The following HECW2 variants were observed in gnomAD, a reference collection of about 807,000 sequenced individuals.
The protein encoded by HECW2 is HECT, C2 and WW domain containing E3 ubiquitin protein ligase 2, also known as E3 ubiquitin-protein ligase HECW2.
A neutral mutation model predicts 175.2 loss-of-function variants in HECW2; 61 were observed. That is an observed-to-expected ratio of 0.35 (90% confidence interval 0.28 to 0.43). The LOEUF (loss-of-function observed/expected upper bound fraction) is 0.43. Ranked by LOEUF, HECW2 falls within the 20% of genes least tolerant of loss-of-function variation. The pLI, the probability that HECW2 is intolerant of heterozygous loss-of-function variation, is 1.00. For missense variants in HECW2, 1,524 were observed against 2,000.5 expected, an observed-to-expected ratio of 0.76 and a Z score of 4.54; for synonymous variants, 671 against 731.0, an observed-to-expected ratio of 0.92 and a Z score of 1.32.
chr2:196,528,486 A>G (rs927187505), intron 1 of HECW2, among the ~76,000 whole-genome samples: 1 of 152,220 alleles, frequency 6.6e-6, no homozygotes, highest in Admixed American at 6.5e-5. Flanking sequence ...ACACTAATAG[A>G]TTTTCAAAGT....
intron 1 of HECW2, among the ~76,000 whole-genome samples, chr2:196,558,721 G>C (rs1323272602): frequency 1.3e-5 from 2 of 152,230 alleles, no homozygotes; most frequent in Non-Finnish European, 1.5e-5. Flanking sequence ...GAATCTGCCA[G>C]GTTGACAGCA....
intron 19 of HECW2, 54 bp downstream of exon 19, chr2:196,253,866 T>C: frequency 6.5e-7 from 1 of 1,530,444 alleles, no homozygotes; most frequent in Non-Finnish European, 9.0e-7. Context: ...ATAGAACATC[T>C]GGCTTGAAGG....
At chr2:196,296,697 G>A (rs868007055) in intron 13 of HECW2, among the ~76,000 whole-genome samples, 2 of 152,170 alleles carry the variant, frequency 1.3e-5, no homozygotes, top group East Asian at 1.9e-4. Flanking sequence ...GAGGTGGAAG[G>A]AAGAGATTCA....
chr2:196,382,212 AGTAT>A (rs1041306785), intron 2 of HECW2, among the ~76,000 whole-genome samples: 3 of 69,708 alleles, frequency 4.3e-5, no homozygotes, highest in Admixed American at 2.0e-4. Context: ...ATATACATAT[AGTAT>A]GTGTGTGTGT....
chr2:196,301,075 T>C (rs1691032852), intron 13 of HECW2, among the ~76,000 whole-genome samples: 2 of 152,160 alleles, frequency 1.3e-5, no homozygotes, highest in Admixed American at 6.5e-5. Context: ...TCCCCGCCAG[T>C]GTCCATGGGT....
chr2:196,450,443 A>G (rs998989763), intron 1 of HECW2, among the ~76,000 whole-genome samples: 1 of 152,046 alleles, frequency 6.6e-6, no homozygotes, highest in Non-Finnish European at 1.5e-5. Context: ...CTAGTCTCCA[A>G]ATCTACTGAT....
chr2:196,452,324 C>A (rs1165136650), intron 1 of HECW2, among the ~76,000 whole-genome samples: 1 of 152,080 alleles, frequency 6.6e-6, no homozygotes, highest in Non-Finnish European at 1.5e-5. Flanking sequence ...TTAAATAATA[C>A]ATACTATTAA....
chr2:196,447,432 T>C (rs1696219071), intron 1 of HECW2, among the ~76,000 whole-genome samples: 1 of 152,202 alleles, frequency 6.6e-6, no homozygotes, highest in Admixed American at 6.5e-5. Context: ...ATGTTAGATG[T>C]TCCAACAATA....
At chr2:196,221,889 C>T (rs16847475) in intron 24 of HECW2, among the ~76,000 whole-genome samples, 379 of 152,246 alleles carry the variant, frequency 2.5e-3, no homozygotes, top group African/African-American at 8.3e-3. Flanking sequence ...TTAAAAAATT[C>T]TGTAGTGTGG....
Position 196,306,694 on chromosome 2 carries a change from A to G in HECW2, c.2690-82T>C, listed in dbSNP as rs190044283. On this transcript the variant is annotated intron_variant, in intron 12 of 28. Transcript: ENST00000644978. ...ATCTACTCACTTCAGTCTGCATTTC[A>G]AAAGAATCATAGGATACCTACATCA... 2.6e-4 allele frequency: 363 copies of G among 1,370,310 alleles called. 1 individual carries two copies. In the African/African-American group the frequency reaches 4.7e-3, roughly 18 times the overall value. 84.9% of individuals were successfully genotyped at this position (1,370,310 alleles called of 1,614,324 possible).
intron 26 of HECW2, among the ~76,000 whole-genome samples, chr2:196,219,397 G>A (rs528227092): frequency 4.6e-5 from 7 of 152,178 alleles, no homozygotes; most frequent in Non-Finnish European, 1.0e-4. Flanking sequence ...AATGGCTTTG[G>A]TCCCAGTTAC....
rs769207457 is a variant in HECW2 at position 196,319,337 on chromosome 2, G to C, written c.1553C>G (p.Ala518Gly). 72 of 1,614,028 alleles carry C rather than the reference G, an allele frequency of 4.5e-5. No individual in the cohort carries two copies. Among genetic ancestry groups the C allele is most frequent in the South Asian group, 3.2e-4 (29 of 91,060 alleles). The change falls in exon 9 of 29, where the codon GCC becomes GGC. Residue 518 changes from alanine to glycine, a missense_variant. Ala to Gly is a moderately conservative substitution (Grantham distance 60). Coordinates refer to ENST00000644978, the MANE Select transcript of HECW2 (RefSeq NM_001348768.2). ...LEDNPVENEE[A>G]STHEAASFED... ...AAAGGAAGCAGCTTCGTGTGTGGAG[G>C]CTTCCTCATTCTCAACAGGGTTGTC...
intron 24 of HECW2, among the ~76,000 whole-genome samples, chr2:196,221,579 G>T (rs1384680556): frequency 6.6e-6 from 1 of 151,730 alleles, no homozygotes; most frequent in Non-Finnish European, 1.5e-5. Flanking sequence ...TCTTTTTTGA[G>T]ACAGGGTCTC....
At chr2:196,203,271 A>G (rs917536024) in intron 28 of HECW2, among the ~76,000 whole-genome samples, 11 of 152,184 alleles carry the variant, frequency 7.2e-5, no homozygotes, top group Non-Finnish European at 1.3e-4. Flanking sequence ...TAAGCATTTC[A>G]GAATTGCATT....
intron 15 of HECW2, among the ~76,000 whole-genome samples, chr2:196,277,962 A>AC (rs1289639372): frequency 2.1e-5 from 2 of 95,344 alleles, no homozygotes; most frequent in Non-Finnish European, 4.0e-5. Context: ...GGAACATCAC[A>AC]CACCGGGGCC....
At chr2:196,408,383 A>G (rs1695020832) in intron 2 of HECW2, among the ~76,000 whole-genome samples, 1 of 152,202 alleles carries the variant, frequency 6.6e-6, no homozygotes, top group Admixed American at 6.5e-5. Flanking sequence ...CCTTATCTAC[A>G]GCATAGGGGT....
At chr2:196,243,368 T>C (rs896859745) in intron 19 of HECW2, among the ~76,000 whole-genome samples, 13 of 151,970 alleles carry the variant, frequency 8.6e-5, no homozygotes, top group Non-Finnish European at 1.8e-4. Flanking sequence ...GGTTTCTCCA[T>C]GTTGGTCAGG....
intron 14 of HECW2, chr2:196,289,631 T>A (rs1005429292): frequency 1.3e-5 from 2 of 152,198 alleles, no homozygotes; most frequent in Non-Finnish European, 2.9e-5. Flanking sequence ...GAAACTCCCA[T>A]GCTGATCAGT....
chr2:196,235,851 G>A (rs1430586867), intron 21 of HECW2, among the ~76,000 whole-genome samples: 6 of 151,348 alleles, frequency 4.0e-5, no homozygotes, highest in African/African-American at 1.5e-4. Context: ...GTAGAGATGG[G>A]GTTTCACCGT....
Sources: gnomAD v4.1 joint callset for allele counts (sites outside exome capture counted in the v4.1 genomes callset) on GRCh38, gnomAD v4.1.1 for gene constraint, MANE v1.5 for transcripts, NCBI Gene and HGNC (gene_info 2026-07-23, HGNC 2026-07-21) for gene names.